RGS22: variants seen among roughly 807,000 people sequenced by gnomAD.
RGS22 encodes the protein regulator of G-protein signaling 22.
In RGS22, 148 loss-of-function variants were observed where a neutral mutation model predicts 172.9. That is an observed-to-expected ratio of 0.86 (90% confidence interval 0.75 to 0.98). The LOEUF (loss-of-function observed/expected upper bound fraction) is 0.98, where lower values mean the gene tolerates loss of function less well. RGS22 is among the 50% of genes least tolerant of loss of function. The pLI, the probability that RGS22 is intolerant of heterozygous loss-of-function variation, is 0.00. For missense variants in RGS22, 1,347 were observed against 1,440.8 expected (o/e 0.93, Z 1.05); for synonymous variants, 458 against 480.2 (o/e 0.95, Z 0.60).
Position 100,038,957 on chromosome 8 carries a change from G to T in RGS22, c.2140C>A (p.Pro714Thr). 1 of 1,611,402 alleles carries T rather than the reference G, an allele frequency of 6.2e-7. No individual in the cohort carries two copies. The highest frequency in any genetic ancestry group is 2.2e-5 in the East Asian group (1 of 44,816). The change falls in exon 14 of 28, where the codon CCT becomes ACT. Residue 714 changes from proline (P) to threonine (T), a missense_variant. Coordinates refer to ENST00000360863, the MANE Select transcript of RGS22 (RefSeq NM_015668.5). ...TGCGCTTGCTTGCATACTTTAAAAG[G>T]CTGAAGTGTTTCTTGGTAGAAAAGC... is the stretch of plus-strand genomic sequence containing the variant. ...HQLFYQETLQ[P>T]FKVCKQAQYL...
intron 23 of RGS22, among the ~76,000 whole-genome samples, chr8:99,965,759 T>C (rs1004180726): frequency 2.0e-5 from 3 of 152,290 alleles, no homozygotes; most frequent in East Asian, 1.9e-4. Context: ...GGAAAATGCA[T>C]AGATTCACAA....
At chr8:100,006,492 T>C (rs1349916920) in intron 15 of RGS22, among the ~76,000 whole-genome samples, 5 of 152,164 alleles carry the variant, frequency 3.3e-5, no homozygotes, top group Non-Finnish European at 7.4e-5. Flanking sequence ...AGACTCCATG[T>C]TGTTATTAGT....
chr8:99,981,095 T>G (rs1812501729), intron 22 of RGS22, among the ~76,000 whole-genome samples: 1 of 152,208 alleles, frequency 6.6e-6, no homozygotes. Context: ...TCATATCACT[T>G]CATTCATGAC....
chr8:100,082,837 A>G (rs937020269), intron 3 of RGS22, among the ~76,000 whole-genome samples: 1 of 152,196 alleles, frequency 6.6e-6, no homozygotes, highest in Non-Finnish European at 1.5e-5. Flanking sequence ...TCCAAAGCCC[A>G]TACTCTTATC....
chr8:100,092,422 T>C (rs1007979683), intron 3 of RGS22, among the ~76,000 whole-genome samples: 2 of 152,172 alleles, frequency 1.3e-5, no homozygotes, highest in Non-Finnish European at 2.9e-5. Flanking sequence ...TGCAACAGTG[T>C]TGGGAGGCGG....
Position 100,035,752 on chromosome 8 carries a change from T to TA in RGS22, c.2166+3178dup, listed in dbSNP as rs552793277. ...GACTGGATTAAGAAAATGTGGCACATATACACCATGGAATACTATGCAGCC... is the reference window on the plus strand; with the variant it reads ...GACTGGATTAAGAAAATGTGGCACATAATACACCATGGAATACTATGCAGCC... On this transcript the variant is annotated intron_variant, in intron 14 of 27. Coordinates refer to ENST00000360863, the MANE Select transcript of RGS22 (RefSeq NM_015668.5). Among the ~76,000 whole-genome samples the TA allele has an allele frequency of 2.7e-3, 404 of 152,276 alleles. 2 individuals carry two copies. The highest frequency in any genetic ancestry group is 9.4e-3 in the African/African-American group (391 of 41,550).
intron 10 of RGS22, among the ~76,000 whole-genome samples, chr8:100,051,426 T>TATATATTTATTATATATATATACATA (rs1821276602): frequency 1.9e-5 from 2 of 105,596 alleles, no homozygotes; most frequent in Non-Finnish European, 3.7e-5. Flanking sequence ...ATATATACAT[T>TATATATTTATTATATATATATACATA]TATATATTTA....
Position 99,962,988 on chromosome 8 carries a change from G to A in RGS22, c.3616-10C>T. 1.3e-6 allele frequency: 2 copies of A among 1,549,212 alleles called. No individual in the cohort carries two copies. The highest frequency in any genetic ancestry group is 2.3e-5 in the Admixed American group (1 of 43,232). On this transcript the variant is annotated splice_polypyrimidine_tract_variant and intron_variant, in intron 24 of 27. Transcript: ENST00000360863. ...AGTAGCACCAGGTTGGCTAAAAAAA[G>A]CAATTTTCAAAGTTAATTCTGAAAT... is the stretch of plus-strand genomic sequence containing the variant.
chr8:100,041,237 C>T (rs1820070795), intron 12 of RGS22, among the ~76,000 whole-genome samples: 2 of 152,076 alleles, frequency 1.3e-5, no homozygotes, highest in South Asian at 4.2e-4. Context: ...GCCTGTAATC[C>T]CAGCACTTTG....
chr8:100,049,533 C>T (rs546122739), intron 10 of RGS22, among the ~76,000 whole-genome samples: 1 of 152,212 alleles, frequency 6.6e-6, no homozygotes, highest in African/African-American at 2.4e-5. Flanking sequence ...GCATTGTTCT[C>T]TTATTCGAGT....
chr8:99,982,318 C>T (rs1812637060), intron 21 of RGS22, among the ~76,000 whole-genome samples: 1 of 152,186 alleles, frequency 6.6e-6, no homozygotes, highest in Non-Finnish European at 1.5e-5. Context: ...GATACATCTA[C>T]ATTACATAAA....
chr8:100,062,786 C>T (rs370048537), intron 8 of RGS22, 34 bp from the exon 9 acceptor site: 6 of 1,523,314 alleles, frequency 3.9e-6, no homozygotes, highest in African/African-American at 2.8e-5. Flanking sequence ...TATACACACA[C>T]ACATTGGTAG....
At chr8:99,962,634 A>C in intron 26 of RGS22, 53 bp downstream of exon 26, 1 of 1,544,952 alleles carries the variant, frequency 6.5e-7, no homozygotes, top group Non-Finnish European at 8.8e-7. Context: ...TGAGAGGCAA[A>C]ACTCCATCAA....
At position 100,051,730 on chromosome 8, in the gene RGS22, C is replaced by T. The variant is rs1288743064; in HGVS notation, c.1689+1072G>A. Among the ~76,000 whole-genome samples, 23 of 22,506 alleles carry T rather than the reference C, an allele frequency of 1.0e-3. 5 individuals carry two copies. Among genetic ancestry groups the T allele is most frequent in the Admixed American group, 8.7e-4 (1 of 1,148 alleles). The allele number at this position is 22,506 out of a possible 152,430, so 14.8% of individuals were successfully genotyped here. A position where few individuals can be genotyped will look rare whatever the true frequency, so the allele number is the denominator to read the frequency against. ...ATATATAAATATATATTTATATATA[C>T]GTATATATAAATATATATTTATATA... On this transcript the variant is annotated intron_variant, in intron 10 of 27. Coordinates refer to ENST00000360863, the MANE Select transcript of RGS22 (RefSeq NM_015668.5).
chr8:100,103,557 A>C (rs1282467987), intron 2 of RGS22, among the ~76,000 whole-genome samples: 1 of 152,176 alleles, frequency 6.6e-6, no homozygotes, highest in Non-Finnish European at 1.5e-5. Context: ...CAGATGATAA[A>C]GAGTCCCAAT....
intron 17 of RGS22, 90 bp from the exon 18 acceptor site, chr8:100,002,454 G>A: frequency 7.8e-7 from 1 of 1,279,798 alleles, no homozygotes; most frequent in Non-Finnish European, 1.1e-6. Flanking sequence ...ACAGAACTTA[G>A]AAAGTGGCTA....
At chr8:99,993,141 C>A (rs1243668750) in intron 20 of RGS22, among the ~76,000 whole-genome samples, 1 of 152,128 alleles carries the variant, frequency 6.6e-6, no homozygotes, top group African/African-American at 2.4e-5. Context: ...ATTTATAGCA[C>A]TAAATGCCCA....
chr8:100,081,308 G>A (rs1166012228), intron 3 of RGS22, among the ~76,000 whole-genome samples: 3 of 150,946 alleles, frequency 2.0e-5, no homozygotes, highest in Non-Finnish European at 4.4e-5. Context: ...AAAAGTGGCA[G>A]AATTTCACAG....
At chr8:99,981,248 C>G (rs1812517645) in intron 22 of RGS22, among the ~76,000 whole-genome samples, 1 of 152,132 alleles carries the variant, frequency 6.6e-6, no homozygotes. Flanking sequence ...AAAGAAGTAA[C>G]TTGAGCAGGT....
Sources: allele counts gnomAD v4.1 joint callset (sites outside exome capture counted in the v4.1 genomes callset), GRCh38; gene constraint gnomAD v4.1.1; transcripts MANE v1.5; gene names NCBI Gene and HGNC (gene_info 2026-07-23, HGNC 2026-07-21).